The following PPP1R9A variants were observed in gnomAD, a reference collection of about 807,000 sequenced individuals.
PPP1R9A encodes neurabin-1.
A neutral mutation model predicts 141.9 loss-of-function variants in PPP1R9A; 59 were observed. That is an observed-to-expected ratio of 0.42 (90% confidence interval 0.34 to 0.52). The LOEUF (loss-of-function observed/expected upper bound fraction) is 0.52, where lower values mean the gene tolerates loss of function less well. Among genes scored for constraint, PPP1R9A ranks in the 20% least tolerant of loss-of-function variants. The pLI is 0.10. For synonymous variants in PPP1R9A, 500 were observed against 569.7 expected (o/e 0.88, Z 1.74); for missense variants, 1,444 against 1,611.9 (o/e 0.90, Z 1.78).
At chr7:95,194,619 G>A (rs766953077) in intron 5 of PPP1R9A, among the ~76,000 whole-genome samples, 12 of 150,802 alleles carry the variant, frequency 8.0e-5, no homozygotes, top group South Asian at 2.1e-4. Context: ...TAGCAAGGTC[G>A]CAGAATACAA....
At chr7:95,122,238 C>G (rs1250864272) in intron 4 of PPP1R9A, among the ~76,000 whole-genome samples, 1 of 151,576 alleles carries the variant, frequency 6.6e-6, no homozygotes, top group Non-Finnish European at 1.5e-5. Context: ...CCTCTGCTTC[C>G]CAGGTTCAAG....
chr7:94,922,842 C>T (rs1261735918), intron 2 of PPP1R9A, among the ~76,000 whole-genome samples: 1 of 152,178 alleles, frequency 6.6e-6, no homozygotes, highest in East Asian at 1.9e-4. Context: ...TCTTTAATTA[C>T]ATTAAAAGAT....
intron 8 of PPP1R9A, among the ~76,000 whole-genome samples, chr7:95,226,545 T>G (rs988097035): frequency 6.6e-6 from 1 of 152,176 alleles, no homozygotes; most frequent in Admixed American, 6.6e-5. Flanking sequence ...GAGAGTTTAA[T>G]ACACAGACTT....
chr7:95,279,184 T>A (rs1270991522), intron 16 of PPP1R9A, among the ~76,000 whole-genome samples: 1 of 152,242 alleles, frequency 6.6e-6, no homozygotes, highest in African/African-American at 2.4e-5. Context: ...CTTCATAGGC[T>A]ATTTCTCTCA....
intron 4 of PPP1R9A, among the ~76,000 whole-genome samples, chr7:95,151,987 C>T (rs368091083): frequency 7.0e-5 from 7 of 99,340 alleles, no homozygotes; most frequent in East Asian, 7.2e-4. Context: ...GTGTCTCACT[C>T]TGTCACCAGG....
intron 4 of PPP1R9A, among the ~76,000 whole-genome samples, chr7:95,138,620 A>C (rs866348817): frequency 2.6e-5 from 4 of 152,256 alleles, no homozygotes; most frequent in Admixed American, 2.6e-4. Flanking sequence ...TCAAATATAT[A>C]TAAGAACTTG....
At chr7:94,949,655 A>G (rs900839047) in intron 2 of PPP1R9A, among the ~76,000 whole-genome samples, 4 of 152,062 alleles carry the variant, frequency 2.6e-5, no homozygotes, top group African/African-American at 4.8e-5. Flanking sequence ...TGACAGTGCT[A>G]TGACAGGACA....
At chr7:94,954,130 C>A (rs570076080) in intron 2 of PPP1R9A, among the ~76,000 whole-genome samples, 1 of 151,622 alleles carries the variant, frequency 6.6e-6, no homozygotes, top group South Asian at 2.1e-4. Context: ...TGTTGTTTTT[C>A]TTATTTTGAT....
chr7:95,290,633 A>C lies in PPP1R9A; in HGVS notation c.*330A>C. 1 of 276,698 alleles carries C rather than the reference A, an allele frequency of 3.6e-6. No homozygotes were observed. The highest frequency in any genetic ancestry group is 4.9e-5 in the South Asian group (1 of 20,234). 17.1% of individuals were successfully genotyped at this position (276,698 alleles called of 1,614,324 possible). ...TTGGAGAACTAGTGTGACCCCACCC[A>C]AGAGCATGACACACCCTGGTGTTGT... On this transcript the variant is annotated 3_prime_UTR_variant, in exon 20 of 20. Coordinates refer to ENST00000433360, the MANE Select transcript of PPP1R9A (RefSeq NM_001166160.2).
chr7:95,258,567 G>A (rs1799956298), intron 12 of PPP1R9A, among the ~76,000 whole-genome samples: 1 of 151,996 alleles, frequency 6.6e-6, no homozygotes, highest in Admixed American at 6.6e-5. Context: ...AAAGTAAATG[G>A]AAAGAGAAAC....
intron 2 of PPP1R9A, among the ~76,000 whole-genome samples, chr7:95,108,307 CTTTTTT>C (rs1166103728): frequency 2.5e-3 from 148 of 59,580 alleles, no homozygotes; most frequent in African/African-American, 0.01. Context: ...CGTTTCTTTT[CTTTTTT>C]TTTTTTTTTT....
intron 2 of PPP1R9A, among the ~76,000 whole-genome samples, chr7:94,931,776 C>T (rs923201888): frequency 1.3e-5 from 2 of 152,122 alleles, no homozygotes; most frequent in African/African-American, 4.8e-5. Context: ...CAGGGTTTCT[C>T]CATGTTGGTC....
chr7:94,991,473 A>G (rs973415150), intron 2 of PPP1R9A, among the ~76,000 whole-genome samples: 9 of 152,058 alleles, frequency 5.9e-5, no homozygotes, highest in African/African-American at 1.9e-4. Context: ...CTTATTCAAC[A>G]TGTTATCTCT....
intron 2 of PPP1R9A, among the ~76,000 whole-genome samples, chr7:95,094,175 G>T (rs1253028141): frequency 6.6e-6 from 1 of 152,154 alleles, no homozygotes; most frequent in Non-Finnish European, 1.5e-5. Flanking sequence ...AGGAAGAGTA[G>T]TGCTAAGTGA....
intron 2 of PPP1R9A, among the ~76,000 whole-genome samples, chr7:94,988,345 G>A (rs1432059847): frequency 6.6e-6 from 1 of 152,014 alleles, no homozygotes; most frequent in Non-Finnish European, 1.5e-5. Context: ...TTACATATTT[G>A]TAACTTAAGT....
intron 2 of PPP1R9A, among the ~76,000 whole-genome samples, chr7:95,006,205 T>TTTAC (rs1803566470): frequency 6.7e-6 from 1 of 149,734 alleles, no homozygotes; most frequent in African/African-American, 2.4e-5. Flanking sequence ...TATTTATTTA[T>TTTAC]TTATTTATTT....
intron 2 of PPP1R9A, among the ~76,000 whole-genome samples, chr7:95,050,999 G>A (rs1047258684): frequency 1.3e-5 from 2 of 152,014 alleles, no homozygotes; most frequent in African/African-American, 4.8e-5. Flanking sequence ...CATGGTTTGT[G>A]CATTTGTGTT....
intron 2 of PPP1R9A, among the ~76,000 whole-genome samples, chr7:95,080,535 A>T (rs1055504922): frequency 1.3e-5 from 2 of 152,202 alleles, no homozygotes; most frequent in East Asian, 3.9e-4. Flanking sequence ...TATAGATTCA[A>T]TGCCATCTCC....
intron 7 of PPP1R9A, among the ~76,000 whole-genome samples, chr7:95,219,214 T>G (rs1337701226): frequency 6.6e-6 from 1 of 152,174 alleles, no homozygotes; most frequent in East Asian, 1.9e-4. Flanking sequence ...ATTTTATTTC[T>G]CCTTCACTTA....
Sources: gnomAD v4.1 joint callset for allele counts (sites outside exome capture counted in the v4.1 genomes callset) on GRCh38, gnomAD v4.1.1 for gene constraint, MANE v1.5 for transcripts, NCBI Gene and HGNC (gene_info 2026-07-23, HGNC 2026-07-21) for gene names.